The following LBR variants were observed in gnomAD, a reference collection of about 807,000 sequenced individuals.
LBR encodes the protein lamin B receptor.
A neutral mutation model predicts 74.3 loss-of-function variants in LBR; 28 were observed. The observed-to-expected ratio is 0.38, with a 90% CI of 0.28 to 0.52. The LOEUF is 0.52. LBR is among the 20% of genes least tolerant of loss of function. The pLI, the probability that LBR is intolerant of heterozygous loss-of-function variation, is 0.89. For missense variants in LBR, 717 were observed against 760.3 expected, an observed-to-expected ratio of 0.94 and a Z score of 0.67; for synonymous variants, 228 against 269.3, an observed-to-expected ratio of 0.85 and a Z score of 1.50.
chr1:225,415,731 T>C (rs989661862), intron 6 of LBR, among the ~76,000 whole-genome samples: 1 of 152,146 alleles, frequency 6.6e-6, no homozygotes, highest in South Asian at 2.1e-4. Context: ...TATGATTCCA[T>C]TGTCTTCCAT....
At chr1:225,408,634 A>T (rs1324065423) in intron 10 of LBR, among the ~76,000 whole-genome samples, 3 of 152,270 alleles carry the variant, frequency 2.0e-5, no homozygotes, top group African/African-American at 7.2e-5. Flanking sequence ...CTAATTGCCC[A>T]GTGGCATGCC....
rs1411225492 is a variant in LBR at position 225,424,028 on chromosome 1, C to T, written c.48G>A (p.Trp16Ter). 6.2e-7 allele frequency: 1 copy of T among 1,614,076 alleles called. No individual in the cohort carries two copies. The highest frequency in any genetic ancestry group is 8.5e-7 in the Non-Finnish European group (1 of 1,179,966). ...FADGEVVRGR[W>*]PGSSLYYEVE... ...CTTCATAATAAAGTGAACTCCCAGG[C>T]CATCGACCTCTTACCACTTCACCAT... is the stretch of plus-strand genomic sequence containing the variant. Residue 16 changes from tryptophan (W) to a stop codon, truncating the protein, a stop_gained, in exon 2 of 14, where the codon TGG (tryptophan) becomes TGA (stop). Transcript: ENST00000272163. LOFTEE classifies it high-confidence loss of function.
At chr1:225,403,715 T>C (rs2096085741) in intron 13 of LBR, among the ~76,000 whole-genome samples, 2 of 152,262 alleles carry the variant, frequency 1.3e-5, no homozygotes, top group Admixed American at 6.5e-5. Flanking sequence ...TCTGTCCTCA[T>C]AGTTAATACA....
intron 7 of LBR, 56 bp downstream of exon 7, chr1:225,415,222 A>C: frequency 1.7e-6 from 2 of 1,151,978 alleles, no homozygotes; most frequent in Non-Finnish European, 2.6e-6. Flanking sequence ...AGAGTTTAAC[A>C]CTTAGAAGTT....
intron 11 of LBR, among the ~76,000 whole-genome samples, chr1:225,405,224 T>C (rs1382148644): frequency 1.3e-5 from 2 of 152,222 alleles, no homozygotes; most frequent in Admixed American, 1.3e-4. Flanking sequence ...TGAATCCCAC[T>C]TTAAGTCTAT....
chr1:225,409,198 G>A (rs1232022691), intron 10 of LBR, among the ~76,000 whole-genome samples: 1 of 152,174 alleles, frequency 6.6e-6, no homozygotes, highest in Non-Finnish European at 1.5e-5. Flanking sequence ...AGCTTCCCAA[G>A]CTCTGAGCCA....
In LBR at chr1:225,402,243, G is replaced by A. The variant is rs1384639311; in HGVS notation, c.*1060C>T. ...AAAAAATACAGTATAAACTGCATAA[G>A]CTTAACAGTAGCAAAAACACTGATG... is the stretch of plus-strand genomic sequence containing the variant. On this transcript the variant is annotated 3_prime_UTR_variant, in exon 14 of 14. Coordinates refer to ENST00000272163, the MANE Select transcript of LBR (RefSeq NM_002296.4). 2 of 152,148 alleles carry A rather than the reference G, an allele frequency of 1.3e-5. No homozygotes were observed. Among genetic ancestry groups the A allele is most frequent in the Non-Finnish European group, 2.9e-5 (2 of 68,006 alleles). The allele number at this position is 152,148 out of a possible 1,614,324, so 9.4% of individuals were successfully genotyped here.
At position 225,411,707 on chromosome 1, in the gene LBR, C is replaced by G. The variant is rs549318845; in HGVS notation, c.1085-267G>C. The stretch of plus-strand genomic sequence containing the variant: ...TTAACCAAAATCATGGGGGCCCCCC[C>G]AAAGGACTTTACACTCCATTTTTTT... On this transcript the variant is annotated intron_variant, in intron 8 of 13. Transcript: ENST00000272163. Among the ~76,000 whole-genome samples the G allele has an allele frequency of 8.2e-4, 125 of 152,342 alleles. 1 individual carries two copies. Among genetic ancestry groups the G allele is most frequent in the African/African-American group, 2.6e-3 (110 of 41,580 alleles).
At chr1:225,425,905 A>G (rs2096138265) in intron 1 of LBR, among the ~76,000 whole-genome samples, 1 of 152,232 alleles carries the variant, frequency 6.6e-6, no homozygotes, top group South Asian at 2.1e-4. Flanking sequence ...ACCCTTGAAC[A>G]GTTTCTGCGT....
chr1:225,402,566 A>G lies in LBR; in HGVS notation c.*737T>C, dbSNP rs1258763715. ...AAATTTTTAATTCACATTACTTTAC[A>G]AAATTTTATTTAAAATACTGAAAAT... is the stretch of plus-strand genomic sequence containing the variant. On this transcript the variant is annotated 3_prime_UTR_variant, in exon 14 of 14. Transcript: ENST00000272163. 6.6e-6 allele frequency: 1 copy of G among 152,654 alleles called. No homozygotes were observed. The highest frequency in any genetic ancestry group is 1.5e-5 in the Non-Finnish European group (1 of 68,032). The allele number at this position is 152,654 out of a possible 1,614,324, so 9.5% of individuals were successfully genotyped here.
chr1:225,417,729 C>T, intron 6 of LBR: 2 of 332,010 alleles, frequency 6.0e-6, no homozygotes, highest in South Asian at 5.8e-5. Context: ...TTTTTAAGTT[C>T]CTCCTAATAA....
rs574549108 is a variant in LBR at position 225,407,163 on chromosome 1, G to C, written c.1315-331C>G. Among the ~76,000 whole-genome samples, 3 of 152,132 alleles carry C rather than the reference G, an allele frequency of 2.0e-5. No individual in the cohort carries two copies. In the South Asian group the frequency reaches 6.2e-4, roughly 32 times the overall value. On this transcript the variant is annotated intron_variant, in intron 10 of 13. Transcript: ENST00000272163. ...ACACCCTCTGCTGCCCTCCTGACCTGCTGCTCAGACCTGGGCACTTCTCAG... is the reference window on the plus strand; with the variant it reads ...ACACCCTCTGCTGCCCTCCTGACCTCCTGCTCAGACCTGGGCACTTCTCAG...
At chr1:225,425,080 T>C (rs1242516472) in intron 1 of LBR, among the ~76,000 whole-genome samples, 2 of 152,210 alleles carry the variant, frequency 1.3e-5, no homozygotes, top group Non-Finnish European at 2.9e-5. Context: ...TCTTGATGTA[T>C]TGTCCAAGCC....
At chr1:225,424,316 CA>C (rs1424788877) in intron 1 of LBR, among the ~76,000 whole-genome samples, 12 of 152,174 alleles carry the variant, frequency 7.9e-5, no homozygotes, top group African/African-American at 2.7e-4. Context: ...ATATAGGCGC[CA>C]TAAGTTCACA....
chr1:225,405,097 T>C (rs1453203610), intron 11 of LBR, among the ~76,000 whole-genome samples: 1 of 152,220 alleles, frequency 6.6e-6, no homozygotes, highest in Non-Finnish European at 1.5e-5. Context: ...TTCAGTGTAA[T>C]CAAAATTACA....
chr1:225,411,332 C>T lies in LBR; in HGVS notation c.1188+5G>A, dbSNP rs1007325636. On this transcript the variant is annotated splice_donor_5th_base_variant and intron_variant, in intron 9 of 13. Coordinates refer to ENST00000272163, the MANE Select transcript of LBR (RefSeq NM_002296.4). ...GAAATTTAGAAGAAAAAAAACCAGA[C>T]ATACCCATCCAATCAATCCGGGGCG... 1.3e-6 allele frequency: 2 copies of T among 1,599,594 alleles called. No individual in the cohort carries two copies. Among genetic ancestry groups the T allele is most frequent in the Non-Finnish European group, 1.7e-6 (2 of 1,166,898 alleles).
chr1:225,408,819 A>C (rs992553088), intron 10 of LBR, among the ~76,000 whole-genome samples: 3 of 152,250 alleles, frequency 2.0e-5, no homozygotes, highest in Admixed American at 1.3e-4. Flanking sequence ...TTCTTTTAAC[A>C]CAAGTCAATG....
chr1:225,404,439 T>C lies in LBR; in HGVS notation c.1652A>G (p.Asp551Gly). Residue 551 changes from aspartate to glycine, a missense_variant, in exon 13 of 14, where the codon GAT becomes GGT. Asp to Gly is a moderately conservative substitution (Grantham distance 94, BLOSUM62 -1). Coordinates refer to ENST00000272163, the MANE Select transcript of LBR (RefSeq NM_002296.4). ...GFVRHPNYLG[D>G]LIMALAWSLP... Reference sequence around the variant, plus strand: ...GGACCACGCCAAGGCCATGATGAGATCACCCAAGTAATTGGGGTGGCGAAC... The same window carrying C: ...GGACCACGCCAAGGCCATGATGAGACCACCCAAGTAATTGGGGTGGCGAAC... 6.2e-7 allele frequency: 1 copy of C among 1,614,198 alleles called. No homozygotes were observed. The highest frequency in any genetic ancestry group is 1.1e-5 in the South Asian group (1 of 91,086).
chr1:225,406,908 G>A (rs1415211505), intron 10 of LBR, 76 bp from the exon 11 acceptor site: 1 of 1,441,026 alleles, frequency 6.9e-7, no homozygotes, highest in Non-Finnish European at 9.7e-7. Flanking sequence ...TAGTTTACAG[G>A]CAAATGTAAA....
Sources: allele counts gnomAD v4.1 joint callset (sites outside exome capture counted in the v4.1 genomes callset), GRCh38; gene constraint gnomAD v4.1.1; transcripts MANE v1.5; gene names NCBI Gene and HGNC (gene_info 2026-07-23, HGNC 2026-07-21).